Variants in ALCAM observed in about 807,000 individuals in gnomAD.
ALCAM encodes activated leukocyte cell adhesion molecule.
In ALCAM, 30 loss-of-function variants were observed where a neutral mutation model predicts 70.9. The observed-to-expected ratio is 0.42, with a 90% CI of 0.32 to 0.57. The LOEUF is 0.57. Among genes scored for constraint, ALCAM ranks in the 20% least tolerant of loss-of-function variants. The pLI, the probability that ALCAM is intolerant of heterozygous loss-of-function variation, is 0.11. For synonymous variants in ALCAM, 249 were observed against 242.5 expected, an observed-to-expected ratio of 1.03 and a Z score of -0.25; for missense variants, 591 against 695.1, an observed-to-expected ratio of 0.85 and a Z score of 1.68.
At chr3:105,389,290 T>C (rs529315155) in intron 1 of ALCAM, among the ~76,000 whole-genome samples, 101 of 150,472 alleles carry the variant, frequency 6.7e-4, no homozygotes, top group African/African-American at 2.3e-3. Context: ...CGCAAAACAG[T>C]GTGTGGTATG....
At chr3:105,548,656 G>A (rs495691) in intron 11 of ALCAM, among the ~76,000 whole-genome samples, 2 of 151,014 alleles carry the variant, frequency 1.3e-5, no homozygotes, top group African/African-American at 2.4e-5. Flanking sequence ...GTAGGCACAC[G>A]TGAAGTGAAT....
intron 1 of ALCAM, among the ~76,000 whole-genome samples, chr3:105,441,327 A>T (rs1937165701): frequency 6.6e-6 from 1 of 152,066 alleles, no homozygotes. Flanking sequence ...AATAGTTGCT[A>T]CCATGGCTTA....
At chr3:105,368,753 G>T (rs930594491) in intron 1 of ALCAM, among the ~76,000 whole-genome samples, 1 of 152,062 alleles carries the variant, frequency 6.6e-6, no homozygotes, top group East Asian at 1.9e-4. Context: ...TGCTGCTGCC[G>T]TTGCTGTGTG....
At chr3:105,458,901 A>G (rs1937567791) in intron 1 of ALCAM, among the ~76,000 whole-genome samples, 1 of 152,064 alleles carries the variant, frequency 6.6e-6, no homozygotes, top group African/African-American at 2.4e-5. Flanking sequence ...TTCTAATCCA[A>G]CCTTTACACT....
At chr3:105,385,852 T>G (rs1935638623) in intron 1 of ALCAM, among the ~76,000 whole-genome samples, 2 of 151,684 alleles carry the variant, frequency 1.3e-5, no homozygotes, top group African/African-American at 4.8e-5. Context: ...ATAGTAAAAT[T>G]ACATAAATAT....
chr3:105,446,410 A>C (rs1937299201), intron 1 of ALCAM, among the ~76,000 whole-genome samples: 1 of 152,182 alleles, frequency 6.6e-6, no homozygotes, highest in East Asian at 1.9e-4. Context: ...AACAGTATGT[A>C]GGTTCCTCAA....
intron 9 of ALCAM, 21 bp downstream of exon 9, chr3:105,545,356 T>C: frequency 1.3e-6 from 2 of 1,539,208 alleles, no homozygotes; most frequent in Non-Finnish European, 1.8e-6. Context: ...TTTTTGGTAC[T>C]ACCCTGCTGT....
intron 6 of ALCAM, 77 bp downstream of exon 6, chr3:105,534,922 C>A: frequency 7.5e-7 from 1 of 1,341,526 alleles, no homozygotes; most frequent in Non-Finnish European, 1.0e-6. Flanking sequence ...TTTGAGGTCC[C>A]AATCCAATTA....
intron 14 of ALCAM, among the ~76,000 whole-genome samples, chr3:105,565,399 G>A (rs1940721472): frequency 6.6e-6 from 1 of 152,018 alleles, no homozygotes; most frequent in Admixed American, 6.5e-5. Context: ...TATTTCAGTT[G>A]CAATATCTGA....
In ALCAM at chr3:105,534,766, A is replaced by T. The variant is rs770879279; in HGVS notation, c.651A>T (p.Pro217=). ...YKTTKADIQM[P]FTCSVTYYGP... ...CAACCAAGGCTGACATACAAATGCC[A>T]TTCACCTGCTCGGTGACATATTATG... Residue 217 remains proline (P), a synonymous_variant, in exon 6 of 16, where the codon CCA becomes CCT. Coordinates refer to ENST00000306107, the MANE Select transcript of ALCAM (RefSeq NM_001627.4). 4 of 1,613,740 alleles carry T rather than the reference A, an allele frequency of 2.5e-6. No individual in the cohort carries two copies. In the African/African-American group the frequency reaches 5.3e-5, roughly 22 times the overall value.
intron 1 of ALCAM, among the ~76,000 whole-genome samples, chr3:105,436,016 C>T (rs551671809): frequency 2.0e-5 from 3 of 152,258 alleles, no homozygotes; most frequent in Admixed American, 6.5e-5. Context: ...ACATGGATGG[C>T]GGCAGGCAAA....
chr3:105,571,408 A>C (rs940533063), intron 14 of ALCAM, among the ~76,000 whole-genome samples: 94 of 152,194 alleles, frequency 6.2e-4, no homozygotes, highest in African/African-American at 2.2e-3. Flanking sequence ...TCATAAAGAT[A>C]GACATAGGGT....
intron 14 of ALCAM, among the ~76,000 whole-genome samples, chr3:105,566,606 T>A (rs1284988257): frequency 6.6e-6 from 1 of 152,152 alleles, no homozygotes; most frequent in Non-Finnish European, 1.5e-5. Context: ...CCTCTTTGTG[T>A]TCGTTTACTG....
At chr3:105,567,135 TCTC>T (rs1337846530) in intron 14 of ALCAM, among the ~76,000 whole-genome samples, 1 of 152,180 alleles carries the variant, frequency 6.6e-6, no homozygotes, top group African/African-American at 2.4e-5. Context: ...ATGTTATTGT[TCTC>T]CTGAACAAAT....
intron 8 of ALCAM, among the ~76,000 whole-genome samples, chr3:105,544,388 T>TA (rs564962771): frequency 0.012 from 1,810 of 151,662 alleles, 47 homozygotes; most frequent in African/African-American, 0.042. Flanking sequence ...TGAAACCCAG[T>TA]TTGGCTCTGT....
chr3:105,446,871 G>T (rs1024560527), intron 1 of ALCAM, among the ~76,000 whole-genome samples: 1 of 152,254 alleles, frequency 6.6e-6, no homozygotes, highest in African/African-American at 2.4e-5. Context: ...CAAGAGGAAG[G>T]ATGGGGAGAA....
At chr3:105,496,830 GT>G (rs781212541) in intron 1 of ALCAM, among the ~76,000 whole-genome samples, 3,034 of 148,750 alleles carry the variant, frequency 0.02, 40 homozygotes, top group African/African-American at 0.029. Flanking sequence ...CAATTGAGGT[GT>G]GTGTGTGTGT....
intron 1 of ALCAM, among the ~76,000 whole-genome samples, chr3:105,438,039 A>G (rs1937089697): frequency 6.6e-6 from 1 of 152,042 alleles, no homozygotes; most frequent in Non-Finnish European, 1.5e-5. Context: ...GAAAGCAAGA[A>G]TTTTCCCTCT....
intron 1 of ALCAM, among the ~76,000 whole-genome samples, chr3:105,455,067 CT>C (rs1937516761): frequency 1.3e-5 from 2 of 151,998 alleles, no homozygotes; most frequent in African/African-American, 4.8e-5. Context: ...AAACACCTGT[CT>C]TTGATAATAC....
Sources: gnomAD v4.1 joint callset for allele counts (sites outside exome capture counted in the v4.1 genomes callset) on GRCh38, gnomAD v4.1.1 for gene constraint, MANE v1.5 for transcripts, NCBI Gene and HGNC (gene_info 2026-07-23, HGNC 2026-07-21) for gene names.